MCM3AP: variants seen among roughly 807,000 people sequenced by gnomAD.
The protein encoded by MCM3AP is minichromosome maintenance complex component 3 associated protein.
MCM3AP carries 126 observed loss-of-function variants against 184.1 expected under a neutral mutation model. The observed-to-expected ratio is 0.68, with a 90% CI of 0.59 to 0.79. MCM3AP has a LOEUF of 0.79. Among genes scored for constraint, MCM3AP ranks in the 30% least tolerant of loss-of-function variants. The probability of loss-of-function intolerance (pLI) is 0.00; values close to 1 mark genes in which losing one functional copy is unlikely to be tolerated. For synonymous variants in MCM3AP, 1,002 were observed against 979.3 expected, an observed-to-expected ratio of 1.02 and a Z score of -0.43; for missense variants, 2,496 against 2,479.2, an observed-to-expected ratio of 1.01 and a Z score of -0.14.
rs749333870 is a variant in MCM3AP at position 46,240,847 on chromosome 21, G to A, written c.5597C>T (p.Ser1866Leu). ...TTCTTTCTCCAGCAGCAGACTGCTC[G>A]ACAAACACTGCGCCAAGAGCTCCTC... ...SAEELLAQCL[S>L]SSLLLEKEEN... is the part of the protein sequence containing the mutation. The change falls in exon 26 of 28, where the codon TCG becomes TTG. Residue 1866 changes from serine (S) to leucine (L), a missense_variant. Physicochemically the swap from Ser to Leu is moderately radical, Grantham distance 145. Coordinates refer to ENST00000291688, the MANE Select transcript of MCM3AP (RefSeq NM_003906.5). The A allele has an allele frequency of 9.3e-6, 15 of 1,614,024 alleles. No homozygotes were observed. Among genetic ancestry groups the A allele is most frequent in the Admixed American group, 3.3e-5 (2 of 60,000 alleles).
chr21:46,251,824 G>A (rs188887760), intron 19 of MCM3AP, 142 bp from the exon 20 acceptor site: 31 of 519,086 alleles, frequency 6.0e-5, no homozygotes, highest in African/African-American at 5.0e-4. Context: ...TTACTATGAA[G>A]CTGATCTGCA....
At chr21:46,238,632 T>C (rs2080591960) in intron 26 of MCM3AP, among the ~76,000 whole-genome samples, 1 of 119,570 alleles carries the variant, frequency 8.4e-6, no homozygotes, top group South Asian at 2.6e-4. Context: ...TGCTTGAACC[T>C]GGGAGGTGGA....
Position 46,260,855 on chromosome 21 carries a change from G to T in MCM3AP, c.3519C>A (p.Ala1173=). The part of the protein sequence containing the change: ...LVLSELSQGL[A]VELMERVMME... ...TCATCACGCGTTCCATCAGCTCCAC[G>T]GCCAGGCCCTGGCTCAGCTCACTTA... Residue 1173 remains alanine, a synonymous_variant, in exon 15 of 28, where the codon GCC becomes GCA. Coordinates refer to ENST00000291688, the MANE Select transcript of MCM3AP (RefSeq NM_003906.5). 6.2e-7 allele frequency: 1 copy of T among 1,614,146 alleles called. No homozygotes were observed. The highest frequency in any genetic ancestry group is 8.5e-7 in the Non-Finnish European group (1 of 1,180,014).
At chr21:46,253,569 C>T (rs1657570785) in intron 19 of MCM3AP, 1 of 152,172 alleles carries the variant, frequency 6.6e-6, no homozygotes, top group African/African-American at 2.4e-5. Context: ...TGACAACTCC[C>T]CCTCACTGTT....
chr21:46,276,139 C>A (rs1251217945), intron 5 of MCM3AP, among the ~76,000 whole-genome samples: 2 of 151,984 alleles, frequency 1.3e-5, no homozygotes, highest in Non-Finnish European at 2.9e-5. Context: ...GTAGTCCCAG[C>A]TACTCAGGAG....
At chr21:46,279,111 C>T (rs1341350776) in intron 4 of MCM3AP, among the ~76,000 whole-genome samples, 10 of 151,222 alleles carry the variant, frequency 6.6e-5, no homozygotes, top group African/African-American at 2.2e-4. Flanking sequence ...CATGGTGAAA[C>T]CCCATCTCTA....
chr21:46,239,175 G>A (rs1298662735), intron 26 of MCM3AP, among the ~76,000 whole-genome samples: 1 of 152,240 alleles, frequency 6.6e-6, no homozygotes, highest in Non-Finnish European at 1.5e-5. Flanking sequence ...AGGTCAGAGA[G>A]GAAATGGGGG....
intron 15 of MCM3AP, among the ~76,000 whole-genome samples, chr21:46,260,288 ATTATT>A (rs2081025474): frequency 6.6e-6 from 1 of 152,210 alleles, no homozygotes; most frequent in Admixed American, 6.5e-5. Flanking sequence ...AGAATTTTTA[ATTATT>A]TTAGAGACAG....
intron 20 of MCM3AP, among the ~76,000 whole-genome samples, chr21:46,248,202 T>C (rs559919082): frequency 6.6e-6 from 1 of 152,166 alleles, no homozygotes; most frequent in East Asian, 1.9e-4. Flanking sequence ...CCTGACCCTA[T>C]TGGCGGCACC....
chr21:46,284,356 C>A lies in MCM3AP; in HGVS notation c.931G>T (p.Asp311Tyr), dbSNP rs750209242. The change falls in exon 1 of 28, where the codon GAT becomes TAT. Residue 311 changes from aspartate to tyrosine, a missense_variant. This residue lies in a region of MCM3AP where 800 missense variants were observed against 717.1 expected (regional missense o/e 1.12). Coordinates refer to ENST00000291688, the MANE Select transcript of MCM3AP (RefSeq NM_003906.5). ...PRRHGHEPAE[D>Y]SDPLSRGDHP... is the part of the protein sequence containing the mutation. ...TCGCCCCGGGACAGAGGATCCGAAT[C>A]TTCTGCTGGCTCGTGGCCATGTCTC... The A allele has an allele frequency of 4.0e-5, 65 of 1,614,104 alleles. No individual in the cohort carries two copies. The highest frequency in any genetic ancestry group is 3.6e-4 in the East Asian group (16 of 44,892).
intron 6 of MCM3AP, among the ~76,000 whole-genome samples, chr21:46,274,610 A>G (rs893406270): frequency 1.3e-5 from 2 of 152,200 alleles, no homozygotes; most frequent in African/African-American, 2.4e-5. Context: ...GTAAAACATA[A>G]GCATAGAAAC....
intron 17 of MCM3AP, chr21:46,256,348 G>A (rs953179838): frequency 3.5e-5 from 6 of 170,584 alleles, no homozygotes; most frequent in African/African-American, 1.4e-4. Context: ...GTGGAGTCTG[G>A]AAGATGCTGC....
intron 2 of MCM3AP, among the ~76,000 whole-genome samples, chr21:46,283,179 C>T (rs1345203627): frequency 6.6e-6 from 1 of 152,210 alleles, no homozygotes; most frequent in African/African-American, 2.4e-5. Context: ...CCCACCTTGG[C>T]CTCCCCAGGT....
chr21:46,270,521 C>T lies in MCM3AP; in HGVS notation c.2508G>A (p.Glu836=), dbSNP rs1157735922. 6 of 1,613,546 alleles carry T rather than the reference C, an allele frequency of 3.7e-6. No homozygotes were observed. The highest frequency in any genetic ancestry group is 2.2e-5 in the East Asian group (1 of 44,878). The change falls in exon 9 of 28, where the codon GAG becomes GAA. Residue 836 remains glutamate (E), a synonymous_variant. Transcript: ENST00000291688. ...CAAAAGCCTGAACAGCAAATTTCAC[C>T]TCAGATGAGTTTCTAACAGCAGGAT... ...QFHPAVRNSS[E]VKFAVQAFAA... is the part of the protein sequence containing the mutation.
intron 20 of MCM3AP, chr21:46,247,099 T>C (rs930130844): frequency 5.2e-5 from 28 of 534,618 alleles, no homozygotes; most frequent in Non-Finnish European, 8.6e-5. Context: ...CTAAATCCAA[T>C]TGTTAGCAAA....
intron 26 of MCM3AP, among the ~76,000 whole-genome samples, chr21:46,239,563 G>A (rs935280664): frequency 2.6e-5 from 4 of 152,198 alleles, no homozygotes; most frequent in African/African-American, 9.7e-5. Flanking sequence ...GGGTTGGTTG[G>A]AAGAAAGCCG....
At position 46,280,575 on chromosome 21, in the gene MCM3AP, C is replaced by G. The variant is rs1277141494; in HGVS notation, c.1444G>C (p.Ala482Pro). ...KLAVVHFFDH[A>P]SAALARKKGK... is the part of the protein sequence containing the mutation. The stretch of plus-strand genomic sequence containing the variant: ...TTCTTTCTAGCCAGGGCTGCAGATG[C>G]CTGGAAAACAGTCCACAACCGCCAT... Residue 482 changes from alanine (A) to proline (P), a missense_variant and splice_region_variant, in exon 3 of 28, where the codon GCA (alanine) becomes CCA (proline). By Grantham distance (27) the Ala-to-Pro change is conservative. Transcript: ENST00000291688. The G allele has an allele frequency of 1.2e-6, 2 of 1,609,364 alleles. No individual in the cohort carries two copies. The highest frequency in any genetic ancestry group is 3.3e-5 in the Admixed American group (2 of 59,808).
At position 46,284,321 on chromosome 21, in the gene MCM3AP, T is replaced by C; in HGVS notation, c.966A>G (p.Pro322=). 6.2e-7 allele frequency: 1 copy of C among 1,614,252 alleles called. No individual in the cohort carries two copies. The highest frequency in any genetic ancestry group is 8.5e-7 in the Non-Finnish European group (1 of 1,180,040). ...SDPLSRGDHP[P]DKRPVRLNRP... The stretch of plus-strand genomic sequence containing the variant: ...GATTCAGGCGGACAGGTCGTTTGTC[T>C]GGAGGATGATCGCCCCGGGACAGAG... The change falls in exon 1 of 28, where the codon CCA becomes CCG. Residue 322 remains proline (P), a synonymous_variant. Coordinates refer to ENST00000291688, the MANE Select transcript of MCM3AP (RefSeq NM_003906.5).
At chr21:46,262,965 CAAA>C (rs34666984) in intron 13 of MCM3AP, among the ~76,000 whole-genome samples, 1 of 45,732 alleles carries the variant, frequency 2.2e-5, no homozygotes, top group Non-Finnish European at 3.7e-5. Context: ...GACTCCGTCT[CAAA>C]AAAAAAAAAA....
Sources: allele counts gnomAD v4.1 joint callset (sites outside exome capture counted in the v4.1 genomes callset), GRCh38; gene constraint gnomAD v4.1.1; regional missense constraint gnomAD v4.1.1; transcripts MANE v1.5; gene names NCBI Gene and HGNC (gene_info 2026-07-23, HGNC 2026-07-21).